Variants in SS18L1 observed in about 807,000 individuals in gnomAD.
SS18L1 encodes calcium-responsive transactivator.
Under a neutral mutation model 70.3 loss-of-function variants are expected in SS18L1, and 32 were observed. The observed-to-expected ratio is 0.46, with a 90% CI of 0.34 to 0.61. The LOEUF (loss-of-function observed/expected upper bound fraction) is 0.61, where lower values mean the gene tolerates loss of function less well. SS18L1 is among the 20% of genes least tolerant of loss of function. SS18L1 has a pLI of 0.01. For missense variants in SS18L1, 430 were observed against 542.1 expected (o/e 0.79, Z 2.05); for synonymous variants, 237 against 229.7 (o/e 1.03, Z -0.29).
At chr20:62,150,224 G>T (rs1278952032) in intron 1 of SS18L1, among the ~76,000 whole-genome samples, 1 of 152,266 alleles carries the variant, frequency 6.6e-6, no homozygotes, top group Non-Finnish European at 1.5e-5. Context: ...TGAATGTTCA[G>T]AGGGGTCCCA....
At chr20:62,147,300 G>A (rs1443831314) in intron 1 of SS18L1, among the ~76,000 whole-genome samples, 1 of 152,214 alleles carries the variant, frequency 6.6e-6, no homozygotes, top group Non-Finnish European at 1.5e-5. Context: ...CACCACAGAG[G>A]ACATGACTGT....
chr20:62,163,607 C>T lies in SS18L1; in HGVS notation c.706C>T (p.Arg236Trp). The T allele has an allele frequency of 3.8e-6, 6 of 1,595,978 alleles. No homozygotes were observed. Among genetic ancestry groups the T allele is most frequent in the Non-Finnish European group, 3.4e-6 (4 of 1,174,032 alleles). The change falls in exon 6 of 11, where the codon CGG becomes TGG. Residue 236 changes from arginine to tryptophan, a missense_variant. Coordinates refer to ENST00000331758, the MANE Select transcript of SS18L1 (RefSeq NM_198935.3). ...GGGGCAGCGGCCCATGGCGCCCTAC[C>T]GGCCCTCCCAGCAAGGTAACGCCCG... ...MMGQRPMAPY[R>W]PSQQGSSQQY... is the part of the protein sequence containing the mutation.
intron 1 of SS18L1, 72 bp downstream of exon 1, chr20:62,143,961 C>G (rs1414767413): frequency 7.6e-6 from 7 of 923,510 alleles, no homozygotes; most frequent in Non-Finnish European, 9.0e-6. Context: ...GGGGCGCGGG[C>G]AGCTGGCGGG....
intron 1 of SS18L1, among the ~76,000 whole-genome samples, chr20:62,153,480 G>A (rs79101644): frequency 3.7e-4 from 56 of 151,954 alleles, no homozygotes; most frequent in African/African-American, 8.4e-4. Context: ...CAGGTCACCC[G>A]ATAAGGTCTG....
chr20:62,160,401 A>T (rs1298798199), intron 3 of SS18L1, among the ~76,000 whole-genome samples: 1 of 56,224 alleles, frequency 1.8e-5, no homozygotes, highest in Non-Finnish European at 3.0e-5. Context: ...GAGAGGTGGG[A>T]TGGGGAGAGG....
Position 62,165,481 on chromosome 20 carries a change from T to C in SS18L1, c.883T>C (p.Phe295Leu), listed in dbSNP as rs1352748479. The change falls in exon 8 of 11, where the codon TTC becomes CTC. Residue 295 changes from phenylalanine (F) to leucine (L), a missense_variant. Coordinates refer to ENST00000331758, the MANE Select transcript of SS18L1 (RefSeq NM_198935.3). ...CACGGAGCAGAGCTACGACCGGTCC[T>C]TCGAGGAGTCCACGCAGCACTACTA... ...SYTEQSYDRS[F>L]EESTQHYYEG... 1 of 1,613,052 alleles carries C rather than the reference T, an allele frequency of 6.2e-7. No homozygotes were observed. Among genetic ancestry groups the C allele is most frequent in the Non-Finnish European group, 8.5e-7 (1 of 1,179,850 alleles).
At chr20:62,171,003 A>G (rs2057522192) in intron 8 of SS18L1, among the ~76,000 whole-genome samples, 1 of 151,278 alleles carries the variant, frequency 6.6e-6, no homozygotes, top group Admixed American at 6.6e-5. Flanking sequence ...CTGGGTTCAC[A>G]CCATTCTCCT....
At chr20:62,149,070 C>T (rs904113520) in intron 1 of SS18L1, among the ~76,000 whole-genome samples, 2 of 152,220 alleles carry the variant, frequency 1.3e-5, no homozygotes, top group Non-Finnish European at 2.9e-5. Flanking sequence ...GCCAGTGGGT[C>T]GGGGCCTGGG....
chr20:62,145,878 GT>G (rs1461981557), intron 1 of SS18L1, among the ~76,000 whole-genome samples: 2 of 152,226 alleles, frequency 1.3e-5, no homozygotes, highest in Non-Finnish European at 2.9e-5. Context: ...CGTGTGCTGT[GT>G]CCACAGTGTG....
Position 62,182,191 on chromosome 20 carries a change from T to C in SS18L1, c.*2983T>C, listed in dbSNP as rs2057721757. 4.5e-6 allele frequency: 1 copy of C among 221,988 alleles called. No individual in the cohort carries two copies. The highest frequency in any genetic ancestry group is 2.2e-5 in the African/African-American group (1 of 44,650). 13.8% of individuals were successfully genotyped at this position (221,988 alleles called of 1,614,324 possible). A position where few individuals can be genotyped will look rare whatever the true frequency, so the allele number is the denominator to read the frequency against. ...GAAAAGAAACCTTAATACGCTCATA[T>C]GGTTGGAGTGTTAAGTGAACCTCTG... On this transcript the variant is annotated 3_prime_UTR_variant, in exon 11 of 11. Coordinates refer to ENST00000331758, the MANE Select transcript of SS18L1 (RefSeq NM_198935.3).
At position 62,179,293 on chromosome 20, in the gene SS18L1, A is replaced by T; in HGVS notation, c.*85A>T. 1.3e-6 allele frequency: 2 copies of T among 1,507,936 alleles called. No individual in the cohort carries two copies. The highest frequency in any genetic ancestry group is 1.1e-5 in the South Asian group (1 of 88,586). The allele number at this position is 1,507,936 out of a possible 1,614,324, so 93.4% of individuals were successfully genotyped here. On this transcript the variant is annotated 3_prime_UTR_variant, in exon 11 of 11. Transcript: ENST00000331758. ...CTGGCGGCAGCTCTGGTGAATTGTG[A>T]CATGTTGGTTACCTGTTCGCCCAGT... is the stretch of plus-strand genomic sequence containing the variant.
intron 1 of SS18L1, among the ~76,000 whole-genome samples, chr20:62,145,431 A>G (rs1364533046): frequency 6.6e-6 from 1 of 152,202 alleles, no homozygotes. Context: ...GGCCAGGCGG[A>G]GGTCAAGCTC....
chr20:62,148,154 G>A (rs1600986059), intron 1 of SS18L1, among the ~76,000 whole-genome samples: 2 of 152,242 alleles, frequency 1.3e-5, no homozygotes, highest in South Asian at 4.1e-4. Context: ...AGGGATAGGG[G>A]GGTTGGGTCC....
chr20:62,146,033 C>T (rs998092587), intron 1 of SS18L1, among the ~76,000 whole-genome samples: 9 of 148,766 alleles, frequency 6.0e-5, no homozygotes, highest in African/African-American at 1.0e-4. Flanking sequence ...ACAACTTGTC[C>T]TTACAGCATT....
rs1055526477 is a variant in SS18L1 at position 62,179,775 on chromosome 20, A to G, written c.*567A>G. The G allele has an allele frequency of 4.3e-6, 1 of 231,498 alleles. No individual in the cohort carries two copies. The highest frequency in any genetic ancestry group is 2.2e-5 in the African/African-American group (1 of 45,172). The allele number at this position is 231,498 out of a possible 1,614,324, so 14.3% of individuals were successfully genotyped here. The stretch of plus-strand genomic sequence containing the variant: ...CAGTTTCTGTTACGTAACGAAAAGG[A>G]TAAACATCTCCCACGGGAGAGGCCA... On this transcript the variant is annotated 3_prime_UTR_variant, in exon 11 of 11. Transcript: ENST00000331758.
intron 1 of SS18L1, among the ~76,000 whole-genome samples, chr20:62,149,013 G>T (rs1026426020): frequency 6.6e-6 from 1 of 152,352 alleles, no homozygotes; most frequent in East Asian, 1.9e-4. Context: ...GCGGTCCTGC[G>T]GGTGCTCTCC....
At chr20:62,175,866 C>T (rs933159542) in intron 10 of SS18L1, among the ~76,000 whole-genome samples, 4 of 152,192 alleles carry the variant, frequency 2.6e-5, no homozygotes, top group African/African-American at 7.2e-5. Context: ...GGGAAGGGCA[C>T]GCTGATGAGG....
At chr20:62,167,287 C>T (rs1406676360) in intron 8 of SS18L1, among the ~76,000 whole-genome samples, 2 of 151,320 alleles carry the variant, frequency 1.3e-5, no homozygotes, top group African/African-American at 2.4e-5. Flanking sequence ...TCATGATCCA[C>T]CTGCCTCAGC....
chr20:62,155,757 G>T (rs2145717888), intron 1 of SS18L1, among the ~76,000 whole-genome samples: 2 of 152,278 alleles, frequency 1.3e-5, no homozygotes, highest in South Asian at 4.1e-4. Context: ...GTGGGGCTTC[G>T]CAGCACAGTG....
Sources: allele counts gnomAD v4.1 joint callset (sites outside exome capture counted in the v4.1 genomes callset), GRCh38; gene constraint gnomAD v4.1.1; transcripts MANE v1.5; gene names NCBI Gene and HGNC (gene_info 2026-07-23, HGNC 2026-07-21).